CEP85: variants seen among roughly 807,000 people sequenced by gnomAD.
CEP85 encodes the protein centrosomal protein 85.
A neutral mutation model predicts 93.7 loss-of-function variants in CEP85; 58 were observed. The ratio of observed to expected loss-of-function variants is 0.62; its 90% CI spans 0.50 to 0.77. The LOEUF is 0.77. CEP85 is among the 30% of genes least tolerant of loss of function. The probability of loss-of-function intolerance (pLI) is 0.00; values close to 1 mark genes in which losing one functional copy is unlikely to be tolerated. For missense variants in CEP85, 868 were observed against 922.0 expected, an observed-to-expected ratio of 0.94 and a Z score of 0.76; for synonymous variants, 314 against 338.6, an observed-to-expected ratio of 0.93 and a Z score of 0.80.
chr1:26,258,354 GC>G, intron 6 of CEP85, 94 bp downstream of exon 6: 1 of 805,474 alleles, frequency 1.2e-6, no homozygotes, highest in South Asian at 1.5e-5. Flanking sequence ...ATAGAAAAGA[GC>G]TCAAGTGATG....
At chr1:26,241,816 C>T (rs2089431575) in intron 2 of CEP85, among the ~76,000 whole-genome samples, 1 of 151,630 alleles carries the variant, frequency 6.6e-6, no homozygotes, top group Non-Finnish European at 1.5e-5. Context: ...GGCTGGAGTG[C>T]AGTGGCACAA....
At position 26,269,543 on chromosome 1, in the gene CEP85, C is replaced by T. The variant is rs755104907; in HGVS notation, c.1578C>T (p.Ile526=). The change falls in exon 9 of 14, where the codon ATC becomes ATT. Residue 526 remains isoleucine (I), a synonymous_variant. Transcript: ENST00000451429. The part of the protein sequence containing the change: ...LESLLEETQA[I]CREKEIQLES... Reference sequence around the variant, plus strand: ...GTTTGCTGGAGGAGACCCAGGCAATCTGCAGAGAGAAGGAGATTCAACTGG... The same window carrying T: ...GTTTGCTGGAGGAGACCCAGGCAATTTGCAGAGAGAAGGAGATTCAACTGG... 1 of 1,614,024 alleles carries T rather than the reference C, an allele frequency of 6.2e-7. No individual in the cohort carries two copies.
chr1:26,274,178 CACAA>C (rs1260551510), intron 11 of CEP85, among the ~76,000 whole-genome samples: 3 of 148,296 alleles, frequency 2.0e-5, no homozygotes, highest in African/African-American at 7.3e-5. Context: ...CTCCTACACA[CACAA>C]ACACAGACAC....
chr1:26,272,274 C>T (rs1570044641), intron 11 of CEP85: 3 of 589,868 alleles, frequency 5.1e-6, no homozygotes, highest in South Asian at 4.1e-5. Flanking sequence ...TGAGAGCAGT[C>T]CCCACAGTAT....
intron 1 of CEP85, among the ~76,000 whole-genome samples, chr1:26,238,419 C>T (rs2089365696): frequency 6.6e-6 from 1 of 151,948 alleles, no homozygotes; most frequent in Non-Finnish European, 1.5e-5. Context: ...TGGTCTCGAA[C>T]TCCTGACCTC....
intron 10 of CEP85, 122 bp downstream of exon 10, chr1:26,271,229 T>C (rs1023512760): frequency 1.5e-5 from 9 of 604,554 alleles, no homozygotes; most frequent in African/African-American, 1.3e-4. Flanking sequence ...CAAGAGCTTT[T>C]CTTTCTTTTC....
intron 1 of CEP85, among the ~76,000 whole-genome samples, chr1:26,237,623 G>C (rs2089346598): frequency 6.6e-6 from 1 of 151,940 alleles, no homozygotes; most frequent in Non-Finnish European, 1.5e-5. Context: ...TCCACTTTTT[G>C]GCTATTGTAA....
intron 3 of CEP85, among the ~76,000 whole-genome samples, chr1:26,245,519 G>A (rs895292420): frequency 2.0e-5 from 3 of 152,000 alleles, no homozygotes; most frequent in Non-Finnish European, 4.4e-5. Flanking sequence ...TTGCATTCTT[G>A]TATCTTTATT....
At position 26,255,344 on chromosome 1, in the gene CEP85, G is replaced by A. The variant is rs558737855; in HGVS notation, c.382G>A (p.Gly128Arg). Residue 128 changes from glycine (G) to arginine (R), a missense_variant, in exon 4 of 14, where the codon GGA (glycine) becomes AGA (arginine). Physicochemically the swap from Gly to Arg is moderately radical, Grantham distance 125. Transcript: ENST00000451429. ...TTTGTCAGGGTTGGCTGAAAGTGTG[G>A]GAATGACAAGAAATGGAGACCTCGG... ...LPLSGLAESV[G>R]MTRNGDLGAM... 5.6e-6 allele frequency: 9 copies of A among 1,614,110 alleles called. No homozygotes were observed. The Admixed American group carries it at 8.3e-5, about 15-fold the overall frequency.
Position 26,277,267 on chromosome 1 carries a change from A to C in CEP85, c.2260A>C (p.Met754Leu). 1 of 1,613,858 alleles carries C rather than the reference A, an allele frequency of 6.2e-7. No homozygotes were observed. The highest frequency in any genetic ancestry group is 1.1e-5 in the South Asian group (1 of 91,074). ...CATGTCAGACAGATATGCCCAGGACATGGGAGAAAACTGTGTCACACAGTG... is the reference window on the plus strand; with the variant it reads ...CATGTCAGACAGATATGCCCAGGACCTGGGAGAAAACTGTGTCACACAGTG... ...TTMSDRYAQDMGENCVTQ is the reference protein window; with the variant it reads ...TTMSDRYAQDLGENCVTQ The change falls in exon 14 of 14, where the codon ATG becomes CTG. Residue 754 changes from methionine to leucine, a missense_variant. By Grantham distance (15) the Met-to-Leu change is conservative. Coordinates refer to ENST00000451429, the MANE Select transcript of CEP85 (RefSeq NM_001319944.2).
chr1:26,255,756 A>C lies in CEP85; in HGVS notation c.794A>C (p.Gln265Pro). Residue 265 changes from glutamine to proline, a missense_variant, in exon 4 of 14, where the codon CAG (glutamine) becomes CCG (proline). Coordinates refer to ENST00000451429, the MANE Select transcript of CEP85 (RefSeq NM_001319944.2). Reference sequence around the variant, plus strand: ...GGGCTCTCCAAGCCTCTGCCCTCTCAGGTGTGGCAGCCGAGTCCTGACACT... The same window carrying C: ...GGGCTCTCCAAGCCTCTGCCCTCTCCGGTGTGGCAGCCGAGTCCTGACACT... ...APGLSKPLPSQVWQPSPDTWH... is the reference protein window; with the variant it reads ...APGLSKPLPSPVWQPSPDTWH... The C allele has an allele frequency of 6.2e-7, 1 of 1,614,120 alleles. No individual in the cohort carries two copies. Among genetic ancestry groups the C allele is most frequent in the South Asian group, 1.1e-5 (1 of 91,072 alleles).
chr1:26,257,876 C>A, intron 5 of CEP85, 146 bp downstream of exon 5: 1 of 907,048 alleles, frequency 1.1e-6, no homozygotes. Flanking sequence ...GATAAGCAGC[C>A]TAGTCGTGTA....
At chr1:26,246,431 G>A (rs1557651077) in intron 3 of CEP85, among the ~76,000 whole-genome samples, 2 of 152,120 alleles carry the variant, frequency 1.3e-5, no homozygotes, top group South Asian at 2.1e-4. Context: ...ACTGGTACAT[G>A]CTACCTTAAA....
intron 9 of CEP85, among the ~76,000 whole-genome samples, chr1:26,269,825 C>T (rs370890770): frequency 1.4e-4 from 15 of 110,834 alleles, no homozygotes; most frequent in South Asian, 3.0e-4. Flanking sequence ...CTTGCTCTGT[C>T]GCCCAGGCTG....
Position 26,269,506 on chromosome 1 carries a change from C to G in CEP85, c.1541C>G (p.Thr514Ser). 1 of 1,614,094 alleles carries G rather than the reference C, an allele frequency of 6.2e-7. No homozygotes were observed. The highest frequency in any genetic ancestry group is 8.5e-7 in the Non-Finnish European group (1 of 1,179,964). Residue 514 changes from threonine to serine, a missense_variant, in exon 9 of 14, where the codon ACT (threonine) becomes AGT (serine). Transcript: ENST00000451429. ...AGCACAGAGCTGCAGGAGAAAGTGA[C>G]TGAGCTGGAGAGTTTGCTGGAGGAG... is the stretch of plus-strand genomic sequence containing the variant. ...LKSTELQEKV[T>S]ELESLLEETQ...
chr1:26,276,662 T>C lies in CEP85; in HGVS notation c.2030T>C (p.Leu677Ser), dbSNP rs2090057192. 6.2e-7 allele frequency: 1 copy of C among 1,614,106 alleles called. No individual in the cohort carries two copies. Among genetic ancestry groups the C allele is most frequent in the African/African-American group, 1.3e-5 (1 of 74,942 alleles). The change falls in exon 13 of 14, where the codon TTG becomes TCG. Residue 677 changes from leucine to serine, a missense_variant. Coordinates refer to ENST00000451429, the MANE Select transcript of CEP85 (RefSeq NM_001319944.2). Reference sequence around the variant, plus strand: ...CTGGCACTTGAGCTGCACCAGGAGTTGGCCAGTTGCCTTCAAGATCTGCAG... The same window carrying C: ...CTGGCACTTGAGCTGCACCAGGAGTCGGCCAGTTGCCTTCAAGATCTGCAG... ...AQLALELHQELASCLQDLQAV... is the reference protein window; with the variant it reads ...AQLALELHQESASCLQDLQAV...
rs375037634 is a variant in CEP85 at position 26,255,493 on chromosome 1, G to A, written c.531G>A (p.Arg177=). The change falls in exon 4 of 14, where the codon AGG becomes AGA. Residue 177 remains arginine, a synonymous_variant. Transcript: ENST00000451429. ...GCCATGAAAGACAAGAAGAGGCGAG[G>A]AAGTTTGATATTCCTAGCATGGAAT... The part of the protein sequence containing the change: ...AVGHERQEEA[R]KFDIPSMEST... 9.3e-6 allele frequency: 15 copies of A among 1,614,014 alleles called. No homozygotes were observed. The highest frequency in any genetic ancestry group is 1.3e-5 in the African/African-American group (1 of 74,906).
intron 7 of CEP85, among the ~76,000 whole-genome samples, chr1:26,260,768 A>G (rs771601567): frequency 4.6e-5 from 7 of 151,826 alleles, no homozygotes; most frequent in Non-Finnish European, 8.8e-5. Flanking sequence ...TCATAGTTCT[A>G]GGAGGAAGCC....
chr1:26,273,100 G>A (rs543023551), intron 11 of CEP85, among the ~76,000 whole-genome samples: 4 of 152,242 alleles, frequency 2.6e-5, no homozygotes, highest in African/African-American at 7.2e-5. Context: ...GAGATGTGAG[G>A]GGACAGATTT....
Sources: gnomAD v4.1 joint callset for allele counts (sites outside exome capture counted in the v4.1 genomes callset) on GRCh38, gnomAD v4.1.1 for gene constraint, MANE v1.5 for transcripts, NCBI Gene and HGNC (gene_info 2026-07-23, HGNC 2026-07-21) for gene names.